Variants in NPAS3 observed in about 807,000 individuals in gnomAD.
The protein encoded by NPAS3 is neuronal PAS domain-containing protein 3.
Under a neutral mutation model 73.1 loss-of-function variants are expected in NPAS3, and 14 were observed. That is an observed-to-expected ratio of 0.19 (90% CI 0.13 to 0.30). The LOEUF (loss-of-function observed/expected upper bound fraction) is 0.30. NPAS3 is among the 10% of genes least tolerant of loss of function. The pLI, the probability that NPAS3 is intolerant of heterozygous loss-of-function variation, is 1.00. For missense variants in NPAS3, 1,096 were observed against 1,250.0 expected (o/e 0.88, Z 1.86); for synonymous variants, 620 against 541.5 (o/e 1.14, Z -2.01).
At chr14:33,759,824 A>G (rs2062227746) in intron 7 of NPAS3, among the ~76,000 whole-genome samples, 1 of 152,232 alleles carries the variant, frequency 6.6e-6, no homozygotes, top group South Asian at 2.1e-4. Flanking sequence ...AAAAGAAATC[A>G]AAGATCGCAA....
rs528333764 is a variant in NPAS3, at chr14:33,615,989, C to A, written c.558+55779C>A. On this transcript the variant is annotated intron_variant, in intron 5 of 11. Coordinates refer to ENST00000356141, the Ensembl canonical transcript of NPAS3. ...GTTCCTGATGAGCCCAATAGAAAGT[C>A]CATTTGCCCTTTACAAGGCAGCCAT... 4.8e-3 allele frequency among the ~76,000 whole-genome samples: 738 copies of A among 152,302 alleles called. 4 individuals are homozygous for A. The highest frequency in any genetic ancestry group is 8.9e-3 in the Non-Finnish European group (608 of 68,024).
At chr14:33,700,360 CTG>C (rs2140447467) in intron 6 of NPAS3, among the ~76,000 whole-genome samples, 1 of 152,322 alleles carries the variant, frequency 6.6e-6, no homozygotes, top group South Asian at 2.1e-4. Context: ...CTCCACCCTC[CTG>C]TGCCTGGAAT....
At chr14:33,451,421 A>G (rs778906131) in intron 4 of NPAS3, among the ~76,000 whole-genome samples, 10 of 152,246 alleles carry the variant, frequency 6.6e-5, no homozygotes, top group Non-Finnish European at 1.2e-4. Context: ...GAATGTTGAC[A>G]GTAATAGAAC....
At chr14:33,660,158 C>T (rs2059266425) in intron 5 of NPAS3, among the ~76,000 whole-genome samples, 1 of 152,124 alleles carries the variant, frequency 6.6e-6, no homozygotes, top group South Asian at 2.1e-4. Context: ...TAAAAATGGA[C>T]AGTTTGCCCA....
At chr14:33,378,715 C>T (rs17100893) in intron 4 of NPAS3, among the ~76,000 whole-genome samples, 3,011 of 152,232 alleles carry the variant, frequency 0.02, 97 homozygotes, top group African/African-American at 0.069. Flanking sequence ...CAATGACTCA[C>T]GCCTTCTCTT....
chr14:33,257,949 T>G (rs1242512649), intron 3 of NPAS3, among the ~76,000 whole-genome samples: 1 of 152,210 alleles, frequency 6.6e-6, no homozygotes, highest in Non-Finnish European at 1.5e-5. Flanking sequence ...AAAGATTATA[T>G]CTCAAGAGAT....
chr14:33,379,574 C>T (rs1204198085), intron 4 of NPAS3, among the ~76,000 whole-genome samples: 1 of 152,156 alleles, frequency 6.6e-6, no homozygotes, highest in Admixed American at 6.6e-5. Context: ...GTGACACCAG[C>T]TGACTATCAT....
chr14:33,439,657 CA>C (rs926378428), intron 4 of NPAS3, among the ~76,000 whole-genome samples: 8 of 152,070 alleles, frequency 5.3e-5, no homozygotes, highest in African/African-American at 1.9e-4. Flanking sequence ...AAGACAATTT[CA>C]AAAAATGTAA....
chr14:33,660,017 G>T (rs571192061), intron 5 of NPAS3, among the ~76,000 whole-genome samples: 1 of 152,144 alleles, frequency 6.6e-6, no homozygotes, highest in African/African-American at 2.4e-5. Context: ...AGGGTTGGTT[G>T]TTCCACATGG....
chr14:33,677,558 T>C (rs1398097062), intron 6 of NPAS3, among the ~76,000 whole-genome samples: 2 of 152,078 alleles, frequency 1.3e-5, no homozygotes, highest in Non-Finnish European at 2.9e-5. Context: ...CTCAACATAC[T>C]TCGAAGACAA....
chr14:33,177,748 T>A (rs2045645472), intron 2 of NPAS3, among the ~76,000 whole-genome samples: 1 of 152,230 alleles, frequency 6.6e-6, no homozygotes, highest in Admixed American at 6.5e-5. Flanking sequence ...GCACAGTTTG[T>A]TAAAGAAACT....
At chr14:33,384,903 C>G (rs2046711721) in intron 4 of NPAS3, among the ~76,000 whole-genome samples, 1 of 151,978 alleles carries the variant, frequency 6.6e-6, no homozygotes, top group African/African-American at 2.4e-5. Flanking sequence ...AGTTCTTTAC[C>G]AGGGAAGCCC....
chr14:33,621,082 G>A (rs763994877), intron 5 of NPAS3, among the ~76,000 whole-genome samples: 36 of 152,148 alleles, frequency 2.4e-4, no homozygotes, highest in Non-Finnish European at 4.3e-4. Context: ...TTAAGACTTA[G>A]TTGTTGCCCT....
At chr14:33,089,982 A>G (rs1172606094) in intron 2 of NPAS3, among the ~76,000 whole-genome samples, 2 of 152,240 alleles carry the variant, frequency 1.3e-5, no homozygotes, top group Non-Finnish European at 2.9e-5. Flanking sequence ...CTGCCCTACA[A>G]GAGCTCCTAA....
intron 4 of NPAS3, among the ~76,000 whole-genome samples, chr14:33,467,128 G>A (rs527245110): frequency 1.3e-5 from 2 of 152,300 alleles, no homozygotes; most frequent in East Asian, 3.9e-4. Context: ...GAGTGACTGT[G>A]ACTTTGCGCT....
At chr14:33,670,582 CTCACTTTATTA>C (rs2140312337) in intron 5 of NPAS3, among the ~76,000 whole-genome samples, 2 of 151,232 alleles carry the variant, frequency 1.3e-5, no homozygotes, top group South Asian at 4.2e-4. Context: ...ATATTTTATT[CTCACTTTATTA>C]TCCTTCAATA....
chr14:33,720,584 T>C (rs2061080250), intron 6 of NPAS3, among the ~76,000 whole-genome samples: 2 of 152,202 alleles, frequency 1.3e-5, no homozygotes, highest in South Asian at 2.1e-4. Context: ...TTGTTTTTAC[T>C]GTACATCAGC....
chr14:33,367,919 T>C (rs1233084366), intron 4 of NPAS3, among the ~76,000 whole-genome samples: 2 of 152,140 alleles, frequency 1.3e-5, no homozygotes, highest in African/African-American at 4.8e-5. Flanking sequence ...ATCTCACTTA[T>C]TCAAAACTTT....
chr14:33,354,434 A>C (rs1193067191), intron 3 of NPAS3, among the ~76,000 whole-genome samples: 1 of 152,080 alleles, frequency 6.6e-6, no homozygotes, highest in Non-Finnish European at 1.5e-5. Flanking sequence ...GGCTGTCTGC[A>C]CTCAGGCTTT....
Sources: allele counts gnomAD v4.1 joint callset (sites outside exome capture counted in the v4.1 genomes callset), GRCh38; gene constraint gnomAD v4.1.1; transcripts MANE v1.5; gene names NCBI Gene and HGNC (gene_info 2026-07-23, HGNC 2026-07-21).